Variants in CEP112 observed in about 807,000 individuals in gnomAD.
CEP112 encodes centrosomal protein 112.
In CEP112, 127 loss-of-function variants were observed where a neutral mutation model predicts 153.0. That is an observed-to-expected ratio of 0.83 (90% CI 0.72 to 0.96). CEP112 has a LOEUF of 0.96. Among genes scored for constraint, CEP112 ranks in the 40% least tolerant of loss-of-function variants. The probability of loss-of-function intolerance (pLI) is 0.00; values close to 1 mark genes in which losing one functional copy is unlikely to be tolerated. For synonymous variants in CEP112, 358 were observed against 374.4 expected, an observed-to-expected ratio of 0.96 and a Z score of 0.51; for missense variants, 1,089 against 1,101.2, an observed-to-expected ratio of 0.99 and a Z score of 0.16.
At chr17:65,809,753 A>C (rs565566870) in intron 21 of CEP112, among the ~76,000 whole-genome samples, 9 of 152,304 alleles carry the variant, frequency 5.9e-5, no homozygotes, top group African/African-American at 2.2e-4. Context: ...CTTCAGAAAG[A>C]GACTAGGACT....
chr17:66,168,794 C>T (rs1271536580), intron 4 of CEP112, among the ~76,000 whole-genome samples: 9 of 152,048 alleles, frequency 5.9e-5, no homozygotes, highest in Non-Finnish European at 7.4e-5. Flanking sequence ...ATTACAAACC[C>T]TCCAACTACA....
chr17:65,960,357 CA>C (rs949610554), intron 18 of CEP112, among the ~76,000 whole-genome samples: 22 of 151,622 alleles, frequency 1.5e-4, no homozygotes, highest in African/African-American at 5.1e-4. Flanking sequence ...TTTAAAAAAA[CA>C]AAAAAACATT....
intron 21 of CEP112, among the ~76,000 whole-genome samples, chr17:65,829,654 T>A (rs1226062338): frequency 6.6e-6 from 1 of 152,214 alleles, no homozygotes; most frequent in African/African-American, 2.4e-5. Context: ...TTAAAATAAT[T>A]ACAGTCTAGC....
intron 21 of CEP112, among the ~76,000 whole-genome samples, chr17:65,787,910 T>A (rs770373284): frequency 1.2e-4 from 19 of 152,214 alleles, no homozygotes; most frequent in African/African-American, 1.7e-4. Context: ...TCCTATTTCT[T>A]TTTCTTGTAT....
intron 19 of CEP112, among the ~76,000 whole-genome samples, chr17:65,918,179 C>A (rs79359603): frequency 3.7e-3 from 429 of 116,720 alleles, no homozygotes; most frequent in Admixed American, 4.5e-3. Context: ...GACTCTGTCT[C>A]AAAAAAAAAA....
intron 21 of CEP112, among the ~76,000 whole-genome samples, chr17:65,838,255 T>C (rs935423571): frequency 1.3e-5 from 2 of 151,992 alleles, no homozygotes; most frequent in Non-Finnish European, 2.9e-5. Flanking sequence ...ACATATTAGG[T>C]CACAAAACAA....
chr17:65,943,883 A>G (rs1486543278), intron 18 of CEP112, among the ~76,000 whole-genome samples: 1 of 152,142 alleles, frequency 6.6e-6, no homozygotes, highest in East Asian at 1.9e-4. Context: ...ACATAATCTG[A>G]TAGTTCTCAG....
chr17:65,696,446 C>T (rs1423762552), intron 23 of CEP112, among the ~76,000 whole-genome samples: 1 of 152,048 alleles, frequency 6.6e-6, no homozygotes, highest in South Asian at 2.1e-4. Context: ...TGGATTGAAT[C>T]ATATGTAAGC....
intron 23 of CEP112, among the ~76,000 whole-genome samples, chr17:65,721,497 C>T (rs1040914039): frequency 3.3e-5 from 5 of 152,184 alleles, no homozygotes; most frequent in African/African-American, 4.8e-5. Context: ...TACCACTGTG[C>T]TGGTATCCTT....
At chr17:65,836,764 C>T (rs2057319223) in intron 21 of CEP112, among the ~76,000 whole-genome samples, 1 of 152,114 alleles carries the variant, frequency 6.6e-6, no homozygotes, top group African/African-American at 2.4e-5. Flanking sequence ...GGTAAACTGT[C>T]CTCTAGACCA....
At position 65,828,064 on chromosome 17, in the gene CEP112, C is replaced by G. The variant is rs146044248; in HGVS notation, c.2394+23740G>C. Reference sequence around the variant, plus strand: ...GTTCATGGCTAACAATGTATCTCTCCTACTAGAATGAGCTCTGAGGGGACA... The same window carrying G: ...GTTCATGGCTAACAATGTATCTCTCGTACTAGAATGAGCTCTGAGGGGACA... On this transcript the variant is annotated intron_variant, in intron 21 of 26. Coordinates refer to ENST00000535342, the MANE Select transcript of CEP112 (RefSeq NM_001199165.4). 1.0e-3 allele frequency among the ~76,000 whole-genome samples: 154 copies of G among 152,290 alleles called. 1 individual carries two copies. The highest frequency in any genetic ancestry group is 3.7e-3 in the African/African-American group (153 of 41,570).
chr17:65,714,796 A>C (rs1427250057), intron 23 of CEP112, among the ~76,000 whole-genome samples: 2 of 152,204 alleles, frequency 1.3e-5, no homozygotes, highest in Non-Finnish European at 2.9e-5. Context: ...TGGTATATTT[A>C]GGCAGAAAAA....
chr17:65,703,776 T>C (rs538087469), intron 23 of CEP112, among the ~76,000 whole-genome samples: 2 of 142,482 alleles, frequency 1.4e-5, no homozygotes, highest in South Asian at 4.5e-4. Flanking sequence ...GATTTACTAT[T>C]AAGATATTTA....
chr17:65,673,223 C>T (rs2047069885), intron 24 of CEP112, among the ~76,000 whole-genome samples: 1 of 152,140 alleles, frequency 6.6e-6, no homozygotes, highest in Admixed American at 6.5e-5. Flanking sequence ...GTGAGCTGCG[C>T]GTCCCTCTCA....
chr17:65,743,803 C>T (rs2051274604), intron 22 of CEP112, among the ~76,000 whole-genome samples: 1 of 150,996 alleles, frequency 6.6e-6, no homozygotes, highest in Non-Finnish European at 1.5e-5. Flanking sequence ...TTCTTGTTGC[C>T]CAGGCTGGAG....
chr17:65,972,665 A>G (rs1465426323), intron 17 of CEP112, among the ~76,000 whole-genome samples: 1 of 152,230 alleles, frequency 6.6e-6, no homozygotes, highest in Non-Finnish European at 1.5e-5. Flanking sequence ...AACAATACAA[A>G]TTATCAATAT....
At chr17:66,049,295 A>G (rs1265642938) in intron 12 of CEP112, among the ~76,000 whole-genome samples, 1 of 152,200 alleles carries the variant, frequency 6.6e-6, no homozygotes, top group Admixed American at 6.5e-5. Context: ...TACCTCAAAA[A>G]AAACACTATG....
At chr17:65,807,631 T>C (rs754260263) in intron 21 of CEP112, among the ~76,000 whole-genome samples, 3 of 152,156 alleles carry the variant, frequency 2.0e-5, no homozygotes, top group East Asian at 1.9e-4. Context: ...CTGGCTCCAG[T>C]TGTAGCTAAA....
intron 20 of CEP112, among the ~76,000 whole-genome samples, chr17:65,875,591 C>G (rs368677093): frequency 4.6e-5 from 7 of 152,246 alleles, no homozygotes; most frequent in African/African-American, 1.7e-4. Context: ...CTTCAAAATA[C>G]AGTTGTGTCA....
Sources: gnomAD v4.1 joint callset for allele counts (sites outside exome capture counted in the v4.1 genomes callset) on GRCh38, gnomAD v4.1.1 for gene constraint, MANE v1.5 for transcripts, NCBI Gene and HGNC (gene_info 2026-07-23, HGNC 2026-07-21) for gene names.